Variants in ATP2C1 observed in about 807,000 individuals in gnomAD.
ATP2C1 encodes the protein calcium-transporting ATPase type 2C member 1.
A neutral mutation model predicts 120.5 loss-of-function variants in ATP2C1; 31 were observed. That is an observed-to-expected ratio of 0.26 (90% confidence interval 0.19 to 0.35). The LOEUF is 0.35. Among genes scored for constraint, ATP2C1 ranks in the 10% least tolerant of loss-of-function variants. The pLI, the probability that ATP2C1 is intolerant of heterozygous loss-of-function variation, is 1.00. For missense variants in ATP2C1, 731 were observed against 1,107.5 expected (o/e 0.66, Z 4.83); for synonymous variants, 351 against 358.7 (o/e 0.98, Z 0.24).
intron 2 of ATP2C1, among the ~76,000 whole-genome samples, chr3:130,903,319 T>C (rs888776383): frequency 6.6e-6 from 1 of 152,100 alleles, no homozygotes; most frequent in Admixed American, 6.6e-5. Context: ...AATTATCGGT[T>C]AACTTAACCC....
chr3:130,957,954 C>T lies in ATP2C1; in HGVS notation c.833-1321C>T, dbSNP rs1263882440. Among the ~76,000 whole-genome samples, 5 of 152,224 alleles carry T rather than the reference C, an allele frequency of 3.3e-5. No individual in the cohort carries two copies. In the East Asian group the frequency reaches 9.6e-4, roughly 29 times the overall value. ...CATAAAGTAGAAGGTAGGAAGTTAT[C>T]TTAGTTATTTTTGTTTTACTGGTGT... On this transcript the variant is annotated intron_variant, in intron 11 of 27. Coordinates refer to ENST00000510168, the MANE Select transcript of ATP2C1 (RefSeq NM_001378687.1).
chr3:130,854,054 T>G (rs1226797462), intron 1 of ATP2C1: 1 of 151,792 alleles, frequency 6.6e-6, no homozygotes, highest in Non-Finnish European at 1.5e-5. Context: ...GACAAGAAGA[T>G]TTGACATGAG....
At chr3:130,860,288 G>A (rs1383861882) in intron 1 of ATP2C1, among the ~76,000 whole-genome samples, 1 of 152,168 alleles carries the variant, frequency 6.6e-6, no homozygotes, top group African/African-American at 2.4e-5. Flanking sequence ...ACAGTCCCAT[G>A]TCTTGACAGA....
intron 17 of ATP2C1, among the ~76,000 whole-genome samples, chr3:130,970,369 TACACACACACACACACACACACAC>T (rs201337484): frequency 1.5e-5 from 2 of 130,696 alleles, no homozygotes; most frequent in African/African-American, 2.9e-5. Context: ...AAAAAAAAAT[TACACACACACACACACACACACAC>T]ACACACACAC....
At chr3:130,940,085 G>A (rs1210905878) in intron 6 of ATP2C1, among the ~76,000 whole-genome samples, 1 of 152,192 alleles carries the variant, frequency 6.6e-6, no homozygotes, top group Non-Finnish European at 1.5e-5. Flanking sequence ...GAACTCCTGA[G>A]AATTTTCCTT....
chr3:130,934,668 G>C lies in ATP2C1; in HGVS notation c.281G>C (p.Ser94Thr). The C allele has an allele frequency of 6.2e-7, 1 of 1,613,502 alleles. No homozygotes were observed. The highest frequency in any genetic ancestry group is 8.5e-7 in the Non-Finnish European group (1 of 1,179,624). Residue 94 changes from serine (S) to threonine (T), a missense_variant, in exon 5 of 28, where the codon AGT becomes ACT. Physicochemically the swap from Ser to Thr is moderately conservative, Grantham distance 58. Coordinates refer to ENST00000510168, the MANE Select transcript of ATP2C1 (RefSeq NM_001378687.1). ...CTGCTTCTGGCTTCTGCAGTCATCA[G>C]TGTTTTAATGCATCAGTTTGATGAT... Reference protein sequence around the residue: ...IMLLLASAVISVLMHQFDDAV... With the variant: ...IMLLLASAVITVLMHQFDDAV...
chr3:130,961,250 G>T (rs2060806012), intron 12 of ATP2C1, among the ~76,000 whole-genome samples: 2 of 146,346 alleles, frequency 1.4e-5, no homozygotes. Flanking sequence ...GAGGATTTGG[G>T]TTTTTTTTTT....
At chr3:130,973,769 T>G (rs2061429974) in intron 17 of ATP2C1, among the ~76,000 whole-genome samples, 2 of 152,204 alleles carry the variant, frequency 1.3e-5, no homozygotes, top group East Asian at 1.9e-4. Context: ...TTTATACTTT[T>G]CAATGAAAAC....
At chr3:130,959,689 A>G (rs1294475892) in intron 12 of ATP2C1, 1 of 157,332 alleles carries the variant, frequency 6.4e-6, no homozygotes, top group Admixed American at 6.3e-5. Context: ...AAAACGAAAC[A>G]TTGAAGAAAT....
At chr3:130,996,571 T>G (rs17282299) in intron 23 of ATP2C1, 109 bp from the exon 24 acceptor site, 138,323 of 800,860 alleles carry the variant, frequency 0.17, 12,817 homozygotes, top group Middle Eastern at 0.2. Context: ...TGAAACAGTC[T>G]TCCTTTAAAA....
chr3:130,900,053 C>CTTAT (rs964759857), intron 2 of ATP2C1, among the ~76,000 whole-genome samples: 1 of 151,396 alleles, frequency 6.6e-6, no homozygotes, highest in African/African-American at 2.4e-5. Flanking sequence ...TCCCTTTGTG[C>CTTAT]TTATTTATTT....
intron 5 of ATP2C1, among the ~76,000 whole-genome samples, chr3:130,935,712 A>G (rs1041160831): frequency 6.6e-6 from 1 of 152,218 alleles, no homozygotes; most frequent in Non-Finnish European, 1.5e-5. Context: ...CCTTAGCACA[A>G]TTCAGAGTAA....
At chr3:130,945,322 A>G (rs1166541718) in intron 8 of ATP2C1, among the ~76,000 whole-genome samples, 5 of 152,184 alleles carry the variant, frequency 3.3e-5, no homozygotes, top group Non-Finnish European at 5.9e-5. Context: ...TTGACTATGT[A>G]TGCCTGGATA....
chr3:130,972,746 A>G (rs1435040223), intron 17 of ATP2C1, among the ~76,000 whole-genome samples: 1 of 151,300 alleles, frequency 6.6e-6, no homozygotes, highest in Non-Finnish European at 1.5e-5. Context: ...TAGTTTACTG[A>G]GAATGATGAT....
At position 130,934,604 on chromosome 3, in the gene ATP2C1, G is replaced by C. The variant is rs1050464154; in HGVS notation, c.235-18G>C. On this transcript the variant is annotated intron_variant, in intron 4 of 27. Coordinates refer to ENST00000510168, the MANE Select transcript of ATP2C1 (RefSeq NM_001378687.1). ...ATGTACAAAACTGTGTTGAATTGCT[G>C]TTTGTTTTTACTTTCAGTTTAAAAA... is the stretch of plus-strand genomic sequence containing the variant. 3.8e-6 allele frequency: 6 copies of C among 1,567,458 alleles called. No individual in the cohort carries two copies. The highest frequency in any genetic ancestry group is 4.4e-6 in the Non-Finnish European group (5 of 1,138,268).
At chr3:130,993,093 C>A in intron 21 of ATP2C1, 92 bp downstream of exon 21, 1 of 1,110,744 alleles carries the variant, frequency 9.0e-7, no homozygotes, top group Non-Finnish European at 1.4e-6. Context: ...AGTAGAGCAT[C>A]AAGGTCAGAA....
At position 130,925,831 on chromosome 3, in the gene ATP2C1, T is replaced by G. The variant is rs117380812; in HGVS notation, c.7-4585T>G. Among the ~76,000 whole-genome samples the G allele has an allele frequency of 5.4e-4, 82 of 152,020 alleles. 1 individual carries two copies. In the East Asian group the frequency reaches 0.014, roughly 26 times the overall value. ...GGTGGGGTGAGGGTGTGGTTCCCAG[T>G]CCAGTGGAGTTATAGTCCCAGGGGG... On this transcript the variant is annotated intron_variant, in intron 2 of 27. Coordinates refer to ENST00000510168, the MANE Select transcript of ATP2C1 (RefSeq NM_001378687.1).
chr3:130,946,007 TG>T (rs1288433310), intron 8 of ATP2C1, among the ~76,000 whole-genome samples: 3 of 152,190 alleles, frequency 2.0e-5, no homozygotes. Context: ...TTCTTTCATT[TG>T]AAGTTCTGAA....
chr3:131,014,023 T>A lies in ATP2C1; in HGVS notation c.2630-2129T>A, dbSNP rs111859842. The A allele has an allele frequency of 9.6e-6, 14 of 1,451,518 alleles. No homozygotes were observed. In the African/African-American group the frequency reaches 1.0e-4, roughly 10 times the overall value. 89.9% of individuals were successfully genotyped at this position (1,451,518 alleles called of 1,614,324 possible). A position where few individuals can be genotyped will look rare whatever the true frequency, so the allele number is the denominator to read the frequency against. On this transcript the variant is annotated intron_variant, in intron 26 of 26. Transcript: ENST00000328560. The stretch of plus-strand genomic sequence containing the variant: ...ACGGAAGAATTTTAAGTAAGGATTA[T>A]ATTAAATACATCTAGTTTGATGCAA...
Sources: allele counts gnomAD v4.1 joint callset (sites outside exome capture counted in the v4.1 genomes callset), GRCh38; gene constraint gnomAD v4.1.1; transcripts MANE v1.5; gene names NCBI Gene and HGNC (gene_info 2026-07-23, HGNC 2026-07-21).